The following PPP3CC variants were observed in gnomAD, a reference collection of about 807,000 sequenced individuals.
PPP3CC encodes serine/threonine-protein phosphatase 2B catalytic subunit gamma isoform.
A neutral mutation model predicts 60.3 loss-of-function variants in PPP3CC; 35 were observed. The ratio of observed to expected loss-of-function variants is 0.58; its 90% confidence interval spans 0.44 to 0.77. The LOEUF (loss-of-function observed/expected upper bound fraction) is 0.77, where lower values mean the gene tolerates loss of function less well. PPP3CC is among the 30% of genes least tolerant of loss of function. PPP3CC has a pLI of 0.00. For missense variants in PPP3CC, 570 were observed against 628.9 expected (o/e 0.91, Z 1.00); for synonymous variants, 206 against 224.3 (o/e 0.92, Z 0.73).
rs372840350 is a variant in PPP3CC at position 22,462,374 on chromosome 8, T to G, written c.50-12580T>G. On this transcript the variant is annotated intron_variant, in intron 1 of 13. Transcript: ENST00000240139. ...CTGTGCATCTGCAAGCAATTTGTAG[T>G]GTAATTTCAGTTTTGTTTCACTTTT... is the stretch of plus-strand genomic sequence containing the variant. 5.3e-5 allele frequency among the ~76,000 whole-genome samples: 8 copies of G among 152,328 alleles called. No homozygotes were observed. In the South Asian group the frequency reaches 1.2e-3, roughly 24 times the overall value.
chr8:22,443,725 A>G (rs547708267), intron 1 of PPP3CC, among the ~76,000 whole-genome samples: 2 of 152,322 alleles, frequency 1.3e-5, no homozygotes, highest in East Asian at 1.9e-4. Flanking sequence ...TCTCTCCTAT[A>G]TAAAAACTTC....
intron 4 of PPP3CC, among the ~76,000 whole-genome samples, chr8:22,509,547 T>A (rs1207318230): frequency 3.3e-5 from 5 of 152,200 alleles, no homozygotes; most frequent in Non-Finnish European, 5.9e-5. Context: ...CCTTTTTCTC[T>A]TTAAACACCC....
intron 1 of PPP3CC, among the ~76,000 whole-genome samples, chr8:22,469,744 C>T (rs1837657979): frequency 6.6e-6 from 1 of 151,940 alleles, no homozygotes; most frequent in South Asian, 2.1e-4. Flanking sequence ...TAATTCCAGC[C>T]CCAGGTTGTC....
chr8:22,483,411 T>G (rs1838128708), intron 3 of PPP3CC, among the ~76,000 whole-genome samples: 1 of 152,048 alleles, frequency 6.6e-6, no homozygotes, highest in African/African-American at 2.4e-5. Flanking sequence ...CTCAGCCTCC[T>G]GAGTAGCTGG....
rs1004489512 is a variant in PPP3CC, at chr8:22,447,929, G to A, written c.49+6471G>A. Among the ~76,000 whole-genome samples the A allele has an allele frequency of 3.3e-5, 5 of 152,146 alleles. No homozygotes were observed. The East Asian group carries it at 5.8e-4, about 18-fold the overall frequency. On this transcript the variant is annotated intron_variant, in intron 1 of 13. Coordinates refer to ENST00000240139, the MANE Select transcript of PPP3CC (RefSeq NM_005605.5). ...GCTGGACAAGATAATGTATTTCTTT[G>A]ATGATCATTACTAGATTTACTAATT...
intron 1 of PPP3CC, among the ~76,000 whole-genome samples, chr8:22,457,784 A>G (rs2132441516): frequency 6.6e-6 from 1 of 152,380 alleles, no homozygotes; most frequent in South Asian, 2.1e-4. Context: ...TCAAGGTAGA[A>G]TAAATGTGTT....
At chr8:22,494,284 C>T (rs922553623) in intron 3 of PPP3CC, among the ~76,000 whole-genome samples, 3 of 152,018 alleles carry the variant, frequency 2.0e-5, no homozygotes, top group Non-Finnish European at 4.4e-5. Flanking sequence ...TCTTACATGG[C>T]GGTGGCAAGA....
At chr8:22,449,538 A>G (rs1836942049) in intron 1 of PPP3CC, among the ~76,000 whole-genome samples, 1 of 151,748 alleles carries the variant, frequency 6.6e-6, no homozygotes, top group Admixed American at 6.6e-5. Context: ...AGGATTCCAT[A>G]GTGTCTTAAT....
intron 3 of PPP3CC, among the ~76,000 whole-genome samples, chr8:22,484,275 A>AT (rs1406371883): frequency 1.3e-5 from 2 of 152,216 alleles, no homozygotes; most frequent in South Asian, 2.1e-4. Context: ...ATCAGAATAA[A>AT]TTTTTTTAGG....
At position 22,441,333 on chromosome 8, in the gene PPP3CC, C is replaced by T. The variant is rs887263513; in HGVS notation, c.-77C>T. 8 of 1,448,406 alleles carry T rather than the reference C, an allele frequency of 5.5e-6. No individual in the cohort carries two copies. The African/African-American group carries it at 1.0e-4, about 19-fold the overall frequency. The allele number at this position is 1,448,406 out of a possible 1,614,324, so 89.7% of individuals were successfully genotyped here. On this transcript the variant is annotated 5_prime_UTR_variant, in exon 1 of 14. Transcript: ENST00000240139. Reference sequence around the variant, plus strand: ...TGACGGCTCCGGGCAGCTAAGGCTGCCCGAGGAGAAGGCGGCGGCCGCGGC... The same window carrying T: ...TGACGGCTCCGGGCAGCTAAGGCTGTCCGAGGAGAAGGCGGCGGCCGCGGC...
chr8:22,463,836 G>T (rs150977635), intron 1 of PPP3CC, among the ~76,000 whole-genome samples: 3,315 of 151,484 alleles, frequency 0.022, 52 homozygotes, highest in Middle Eastern at 0.041. Flanking sequence ...TCCCAGGCTG[G>T]AGTGCAATGG....
At chr8:22,531,086 T>C (rs932153370) in intron 10 of PPP3CC, among the ~76,000 whole-genome samples, 4 of 152,198 alleles carry the variant, frequency 2.6e-5, no homozygotes, top group Non-Finnish European at 5.9e-5. Flanking sequence ...CCATAAACTT[T>C]TAAGAAATGG....
chr8:22,513,466 G>A, intron 6 of PPP3CC, 34 bp downstream of exon 6: 1 of 1,549,932 alleles, frequency 6.5e-7, no homozygotes. Context: ...AATTATGAAA[G>A]GAAACTGTAA....
chr8:22,538,220 G>T (rs189167492), intron 12 of PPP3CC, among the ~76,000 whole-genome samples: 1 of 152,100 alleles, frequency 6.6e-6, no homozygotes, highest in Non-Finnish European at 1.5e-5. Flanking sequence ...ACATTTTACC[G>T]TGTAGCTTTT....
intron 8 of PPP3CC, among the ~76,000 whole-genome samples, chr8:22,525,866 A>C (rs961914971): frequency 2.6e-5 from 3 of 114,512 alleles, no homozygotes; most frequent in African/African-American, 1.1e-4. Context: ...GGCCTCTTTC[A>C]TATTATTTTT....
chr8:22,513,926 G>A (rs554960097), intron 6 of PPP3CC, among the ~76,000 whole-genome samples: 2 of 152,258 alleles, frequency 1.3e-5, no homozygotes, highest in African/African-American at 2.4e-5. Context: ...TTTCACAGGA[G>A]CTTTCATTAT....
chr8:22,511,427 A>G (rs1390795911), intron 5 of PPP3CC, among the ~76,000 whole-genome samples, 196 bp downstream of exon 5: 1 of 151,920 alleles, frequency 6.6e-6, no homozygotes, highest in East Asian at 1.9e-4. Flanking sequence ...ACACCACCAC[A>G]CCTGGCTAAT....
chr8:22,447,810 T>C (rs1836877528), intron 1 of PPP3CC, among the ~76,000 whole-genome samples: 1 of 152,198 alleles, frequency 6.6e-6, no homozygotes, highest in Non-Finnish European at 1.5e-5. Context: ...TATCCTGAAG[T>C]CTTTTAGTTT....
intron 1 of PPP3CC, among the ~76,000 whole-genome samples, chr8:22,465,232 A>AT (rs1837484568): frequency 6.6e-6 from 1 of 152,092 alleles, no homozygotes; most frequent in African/African-American, 2.4e-5. Flanking sequence ...AAGTGCTAGG[A>AT]TTACAGGCAT....
Sources: allele counts gnomAD v4.1 joint callset (sites outside exome capture counted in the v4.1 genomes callset), GRCh38; gene constraint gnomAD v4.1.1; transcripts MANE v1.5; gene names NCBI Gene and HGNC (gene_info 2026-07-23, HGNC 2026-07-21).